Variants in CA13 observed in about 807,000 individuals in gnomAD.
The protein encoded by CA13 is CA-XIII.
A neutral mutation model predicts 31.5 loss-of-function variants in CA13; 21 were observed. The observed-to-expected ratio is 0.67, with a 90% CI of 0.47 to 0.96. CA13 has a LOEUF of 0.96. CA13 is among the 40% of genes least tolerant of loss of function. The pLI is 0.00. For synonymous variants in CA13, 117 were observed against 111.4 expected, an observed-to-expected ratio of 1.05 and a Z score of -0.32; for missense variants, 315 against 318.9, an observed-to-expected ratio of 0.99 and a Z score of 0.09.
intron 3 of CA13, among the ~76,000 whole-genome samples, chr8:85,260,199 G>T (rs1176964793): frequency 6.6e-6 from 1 of 152,086 alleles, no homozygotes; most frequent in Non-Finnish European, 1.5e-5. Flanking sequence ...AATACTCTGT[G>T]CAGGATCTGG....
At chr8:85,256,492 A>G (rs1807299126) in intron 2 of CA13, among the ~76,000 whole-genome samples, 1 of 152,222 alleles carries the variant, frequency 6.6e-6, no homozygotes, top group Admixed American at 6.5e-5. Context: ...TTATGCTTCC[A>G]TTATCTAGTT....
intron 4 of CA13, 90 bp downstream of exon 4, chr8:85,266,793 T>A: frequency 3.2e-6 from 3 of 924,382 alleles, no homozygotes; most frequent in Non-Finnish European, 5.0e-6. Context: ...TCTTGTTTAA[T>A]AGTAAATTCA....
At chr8:85,257,392 T>C (rs2129963672) in intron 2 of CA13, among the ~76,000 whole-genome samples, 1 of 152,206 alleles carries the variant, frequency 6.6e-6, no homozygotes, top group African/African-American at 2.4e-5. Flanking sequence ...TTTAGGAAAA[T>C]GGCCAGGGTT....
intron 6 of CA13, among the ~76,000 whole-genome samples, chr8:85,273,486 G>A (rs569630900): frequency 5.4e-4 from 82 of 152,130 alleles, no homozygotes; most frequent in Non-Finnish European, 1.0e-3. Flanking sequence ...GATTCTCCCC[G>A]GGGCCTGAAA....
intron 6 of CA13, among the ~76,000 whole-genome samples, chr8:85,273,663 C>A (rs1807560028): frequency 6.6e-6 from 1 of 151,978 alleles, no homozygotes; most frequent in African/African-American, 2.4e-5. Flanking sequence ...TACTATGTAG[C>A]AGTCAGATCA....
chr8:85,250,998 ACT>A, intron 2 of CA13, 61 bp downstream of exon 2: 27 of 1,063,520 alleles, frequency 2.5e-5, no homozygotes, highest in Non-Finnish European at 3.2e-5. Flanking sequence ...ATTAGACTAT[ACT>A]CTTTTTTTTT....
chr8:85,245,847 G>C lies in CA13; in HGVS notation c.19G>C (p.Gly7Arg). The change falls in exon 1 of 7, where the codon GGA (glycine) becomes CGA (arginine). Residue 7 changes from glycine to arginine, a missense_variant. Transcript: ENST00000321764. ...AGGGACCATGTCGAGGCTCAGCTGG[G>C]GATACCGCGAGCACAACGGTGAGCG... MSRLSW[G>R]YREHNGPIHW... The C allele has an allele frequency of 5.0e-6, 8 of 1,614,172 alleles. No individual in the cohort carries two copies. The highest frequency in any genetic ancestry group is 6.8e-6 in the Non-Finnish European group (8 of 1,180,032).
At chr8:85,258,892 G>A (rs147129797) in intron 2 of CA13, among the ~76,000 whole-genome samples, 1 of 150,420 alleles carries the variant, frequency 6.6e-6, no homozygotes, top group East Asian at 2.0e-4. Context: ...AGCCGTGATT[G>A]CATCAGCTTA....
chr8:85,256,051 T>G (rs560506867), intron 2 of CA13, among the ~76,000 whole-genome samples: 1 of 151,504 alleles, frequency 6.6e-6, no homozygotes, highest in Non-Finnish European at 1.5e-5. Flanking sequence ...AAAAAAAAAC[T>G]TGTATGACGG....
intron 2 of CA13, among the ~76,000 whole-genome samples, chr8:85,251,888 A>G (rs914831711): frequency 1.3e-5 from 2 of 152,184 alleles, no homozygotes; most frequent in African/African-American, 4.8e-5. Context: ...GAATAATGCT[A>G]TATAACTCTG....
chr8:85,263,967 G>A (rs1402717845), intron 3 of CA13, among the ~76,000 whole-genome samples: 1 of 152,128 alleles, frequency 6.6e-6, no homozygotes, highest in Non-Finnish European at 1.5e-5. Context: ...TCCCTTGTGA[G>A]TAAAAAGGAG....
At chr8:85,269,864 A>G (rs1807504609) in intron 6 of CA13, among the ~76,000 whole-genome samples, 1 of 151,594 alleles carries the variant, frequency 6.6e-6, no homozygotes, top group African/African-American at 2.4e-5. Context: ...GCATGCCACC[A>G]TGCCTGGCTT....
At chr8:85,253,033 C>T (rs989621464) in intron 2 of CA13, among the ~76,000 whole-genome samples, 9 of 151,752 alleles carry the variant, frequency 5.9e-5, no homozygotes, top group African/African-American at 2.2e-4. Context: ...GCAACCTCTG[C>T]CTTCCGGGTT....
chr8:85,249,257 A>C (rs898919045), intron 1 of CA13, among the ~76,000 whole-genome samples: 5 of 152,192 alleles, frequency 3.3e-5, no homozygotes, highest in Non-Finnish European at 7.3e-5. Context: ...CCAACACTTC[A>C]GGAAGCTGAG....
intron 1 of CA13, 37 bp downstream of exon 1, chr8:85,245,902 C>T (rs939470337): frequency 7.4e-6 from 12 of 1,613,156 alleles, no homozygotes; most frequent in African/African-American, 1.3e-5. Flanking sequence ...GGGGTTTGTG[C>T]GGGGGACGAG....
chr8:85,249,866 T>G, intron 1 of CA13: 1 of 447,176 alleles, frequency 2.2e-6, no homozygotes, highest in Non-Finnish European at 4.5e-6. Context: ...GGCAAGACTT[T>G]ATAGAGTCTT....
intron 1 of CA13, among the ~76,000 whole-genome samples, chr8:85,247,408 T>C (rs929239634): frequency 6.6e-6 from 1 of 152,236 alleles, no homozygotes; most frequent in African/African-American, 2.4e-5. Flanking sequence ...AGTGATTTTG[T>C]ATTTCTGTTA....
chr8:85,249,353 G>T (rs1813786884), intron 1 of CA13, among the ~76,000 whole-genome samples: 2 of 152,010 alleles, frequency 1.3e-5, no homozygotes. Flanking sequence ...AAAGTAGCTG[G>T]GTGTGGTGGT....
Position 85,269,155 on chromosome 8 carries a change from G to C in CA13, c.669+528G>C, listed in dbSNP as rs575333792. 6.0e-4 allele frequency among the ~76,000 whole-genome samples: 91 copies of C among 152,294 alleles called. 1 individual carries two copies. Among genetic ancestry groups the C allele is most frequent in the African/African-American group, 2.1e-3 (86 of 41,560 alleles). Reference sequence around the variant, plus strand: ...AGTTGTTGTTTTGTACACTTAAAAGGTAGTTAAGTGGGTAGGCTGGGCACA... The same window carrying C: ...AGTTGTTGTTTTGTACACTTAAAAGCTAGTTAAGTGGGTAGGCTGGGCACA... On this transcript the variant is annotated intron_variant, in intron 6 of 6. Transcript: ENST00000321764.
Sources: gnomAD v4.1 joint callset for allele counts (sites outside exome capture counted in the v4.1 genomes callset) on GRCh38, gnomAD v4.1.1 for gene constraint, MANE v1.5 for transcripts, NCBI Gene and HGNC (gene_info 2026-07-23, HGNC 2026-07-21) for gene names.